Variants in KIF13A observed in about 807,000 individuals in gnomAD.
The protein encoded by KIF13A is kinesin family member 13A.
Under a neutral mutation model 212.2 loss-of-function variants are expected in KIF13A, and 79 were observed. The ratio of observed to expected loss-of-function variants is 0.37; its 90% confidence interval spans 0.31 to 0.45. The LOEUF (loss-of-function observed/expected upper bound fraction) is 0.45, where lower values mean the gene tolerates loss of function less well. KIF13A is among the 20% of genes least tolerant of loss of function. The pLI is 1.00. For missense variants in KIF13A, 1,901 were observed against 2,209.0 expected (o/e 0.86, Z 2.79); for synonymous variants, 789 against 808.6 (o/e 0.98, Z 0.41).
intron 2 of KIF13A, among the ~76,000 whole-genome samples, chr6:17,957,977 C>G (rs1199093513): frequency 6.6e-6 from 1 of 152,188 alleles, no homozygotes; most frequent in African/African-American, 2.4e-5. Flanking sequence ...TTTAGACCAG[C>G]CTTCCTCTAG....
At chr6:17,760,181 G>C (rs1393262288), downstream of KIF13A, 3 of 152,204 alleles carry the variant, frequency 2.0e-5, no homozygotes, top group Non-Finnish European at 4.4e-5. Flanking sequence ...ACACAAAAGA[G>C]TGGACAGCAA....
chr6:17,801,700 C>A (rs1358693217), intron 20 of KIF13A, among the ~76,000 whole-genome samples: 1 of 152,164 alleles, frequency 6.6e-6, no homozygotes, highest in East Asian at 1.9e-4. Context: ...GGTTCCCGGG[C>A]TCGCGCAGCT....
rs1350095952 is a variant in KIF13A at position 17,963,402 on chromosome 6, G to A, written c.146+23652C>T. Among the ~76,000 whole-genome samples the A allele has an allele frequency of 6.6e-6, 1 of 152,062 alleles. No individual in the cohort carries two copies. The highest frequency in any genetic ancestry group is 1.5e-5 in the Non-Finnish European group (1 of 68,032). On this transcript the variant is annotated intron_variant, in intron 2 of 38. Coordinates refer to ENST00000259711, the MANE Select transcript of KIF13A (RefSeq NM_022113.6). The surrounding 1 kb of genome is among the most constrained non-coding windows in gnomAD (Gnocchi z 4.1). ...CGTTGCACTCTAGCCTGGGCAACAA[G>A]AGCAAAACTCCAACTCAAAAAAAAT...
rs910360783 is a variant in KIF13A, at chr6:17,982,011, T to C, written c.146+5043A>G. On this transcript the variant is annotated intron_variant, in intron 2 of 38. Transcript: ENST00000259711. The surrounding 1 kb of genome is among the most constrained non-coding windows in gnomAD (Gnocchi z 5.1). ...ATATTTACAGACTGAATAGCCCTTA[T>C]CTAAAATGCTTGGGACCAGAAGTGT... Among the ~76,000 whole-genome samples the C allele has an allele frequency of 1.3e-5, 2 of 152,182 alleles. No homozygotes were observed. Among genetic ancestry groups the C allele is most frequent in the Non-Finnish European group, 2.9e-5 (2 of 68,034 alleles).
At chr6:17,858,758 G>A (rs1243278637) in intron 4 of KIF13A, among the ~76,000 whole-genome samples, 1 of 152,042 alleles carries the variant, frequency 6.6e-6, no homozygotes, top group African/African-American at 2.4e-5. Flanking sequence ...GCTGATTGGA[G>A]CAATCCTGTT....
rs2150380990 is a variant in KIF13A, at chr6:17,837,771, G to A, written c.831-188C>T. ...GTTTGAGACCACCCTGGCCAACATG[G>A]TGAAACTCTGTCTCTACTAAAAATA... On this transcript the variant is annotated intron_variant, in intron 9 of 38. Transcript: ENST00000259711. The surrounding 1 kb of genome is among the most constrained non-coding windows in gnomAD (Gnocchi z 5.4). 6.6e-6 allele frequency among the ~76,000 whole-genome samples: 1 copy of A among 152,064 alleles called. No homozygotes were observed. The highest frequency in any genetic ancestry group is 1.5e-5 in the Non-Finnish European group (1 of 67,964).
At position 17,781,147 on chromosome 6, in the gene KIF13A, C is replaced by A. The variant is rs773798120; in HGVS notation, c.3669+30G>T. The A allele has an allele frequency of 1.3e-5, 21 of 1,613,334 alleles. No individual in the cohort carries two copies. The South Asian group carries it at 2.2e-4, about 17-fold the overall frequency. On this transcript the variant is annotated intron_variant, in intron 30 of 38. Coordinates refer to ENST00000259711, the MANE Select transcript of KIF13A (RefSeq NM_022113.6). The stretch of plus-strand genomic sequence containing the variant: ...ACAAGCCTTGTGTGCTAATCTGAAG[C>A]CTTTTAAGAGAAACTTGGGGGTTAA...
intron 3 of KIF13A, among the ~76,000 whole-genome samples, chr6:17,884,053 G>C (rs1241839865): frequency 2.6e-5 from 4 of 152,098 alleles, no homozygotes; most frequent in African/African-American, 7.2e-5. Flanking sequence ...TCCTCACCTT[G>C]CCTCCCTGCC....
chr6:17,788,812 C>A (rs1280715450), intron 26 of KIF13A, among the ~76,000 whole-genome samples: 3 of 152,144 alleles, frequency 2.0e-5, no homozygotes, highest in African/African-American at 7.2e-5. Context: ...GCAACCTCTG[C>A]CTCCTAGGTT....
chr6:17,825,738 A>C lies in KIF13A; in HGVS notation c.1786+30T>G, dbSNP rs112782385. On this transcript the variant is annotated intron_variant, in intron 16 of 38. Transcript: ENST00000259711. This position sits in a 1 kb window ranked among gnomAD's most constrained non-coding sequence, Gnocchi z 4.5. ...ATGGTGTGAGGTGAGGAAATGCCCA[A>C]GGCGCTGGAACACAGAGTGAGGGTC... is the stretch of plus-strand genomic sequence containing the variant. 1.9e-6 allele frequency: 3 copies of C among 1,595,396 alleles called. No individual in the cohort carries two copies. Among genetic ancestry groups the C allele is most frequent in the Non-Finnish European group, 2.6e-6 (3 of 1,170,522 alleles).
intron 16 of KIF13A, among the ~76,000 whole-genome samples, chr6:17,817,687 T>C (rs962101324): frequency 3.9e-5 from 6 of 152,242 alleles, no homozygotes; most frequent in Admixed American, 3.3e-4. Context: ...CAAAGATTTA[T>C]GACTTTCACC....
intron 2 of KIF13A, among the ~76,000 whole-genome samples, chr6:17,945,484 A>G (rs1777309415): frequency 6.6e-6 from 1 of 152,204 alleles, no homozygotes; most frequent in African/African-American, 2.4e-5. Context: ...GCATCATATT[A>G]TACTTCAATT....
At chr6:17,973,046 A>T (rs528959631) in intron 2 of KIF13A, among the ~76,000 whole-genome samples, 1 of 152,334 alleles carries the variant, frequency 6.6e-6, no homozygotes, top group South Asian at 2.1e-4. Context: ...ACCTGAGTTC[A>T]TCCCACAGTG....
chr6:17,843,116 C>T lies in KIF13A; in HGVS notation c.831-5533G>A, dbSNP rs1766680028. On this transcript the variant is annotated intron_variant, in intron 9 of 38. Coordinates refer to ENST00000259711, the MANE Select transcript of KIF13A (RefSeq NM_022113.6). This position sits in a 1 kb window ranked among gnomAD's most constrained non-coding sequence, Gnocchi z 5.3. ...ATTTAGATTGTGATTACCTTGAAGG[C>T]AGACGGTGTAATTTGCCATACACAT... is the stretch of plus-strand genomic sequence containing the variant. Among the ~76,000 whole-genome samples, 1 of 152,160 alleles carries T rather than the reference C, an allele frequency of 6.6e-6. No homozygotes were observed. Among genetic ancestry groups the T allele is most frequent in the Non-Finnish European group, 1.5e-5 (1 of 68,042 alleles).
Position 17,771,381 on chromosome 6 carries a change from T to A in KIF13A, c.4477-163A>T. The A allele has an allele frequency of 5.2e-6, 3 of 579,306 alleles. No individual in the cohort carries two copies. In the South Asian group the frequency reaches 6.3e-5, roughly 12 times the overall value. 35.9% of individuals were successfully genotyped at this position (579,306 alleles called of 1,614,324 possible). ...CCAGAGTTAAACTACTGGAGAGATA[T>A]GACAGGAATAAACAGATTCTGTGGC... On this transcript the variant is annotated intron_variant, in intron 37 of 38. Transcript: ENST00000259711. The surrounding 1 kb of genome is among the most constrained non-coding windows in gnomAD (Gnocchi z 5.4).
Position 17,951,842 on chromosome 6 carries a change from T to C in KIF13A, c.146+35212A>G, listed in dbSNP as rs1339513508. On this transcript the variant is annotated intron_variant, in intron 2 of 38. Transcript: ENST00000259711. The surrounding 1 kb of genome is among the most constrained non-coding windows in gnomAD (Gnocchi z 4.9). Reference sequence around the variant, plus strand: ...TCCACTGTATGAATATATCACATATTCTTCATCAGTTGATGGACATTTGGT... The same window carrying C: ...TCCACTGTATGAATATATCACATATCCTTCATCAGTTGATGGACATTTGGT... Among the ~76,000 whole-genome samples the C allele has an allele frequency of 6.6e-6, 1 of 152,356 alleles. No individual in the cohort carries two copies. The highest frequency in any genetic ancestry group is 1.9e-4 in the East Asian group (1 of 5,192).
In KIF13A at chr6:17,838,112, A is replaced by G. The variant is rs1766148486; in HGVS notation, c.831-529T>C. Among the ~76,000 whole-genome samples the G allele has an allele frequency of 6.6e-6, 1 of 152,114 alleles. No homozygotes were observed. Among genetic ancestry groups the G allele is most frequent in the Non-Finnish European group, 1.5e-5 (1 of 68,008 alleles). ...CAGGTGGATCATGAGGTCAGGGGTC[A>G]GGAGATCAAGACCATCCTGGCCAAC... On this transcript the variant is annotated intron_variant, in intron 9 of 38. Coordinates refer to ENST00000259711, the MANE Select transcript of KIF13A (RefSeq NM_022113.6). The surrounding 1 kb of genome is among the most constrained non-coding windows in gnomAD (Gnocchi z 4.2).
intron 2 of KIF13A, among the ~76,000 whole-genome samples, chr6:17,981,277 T>TC (rs1781053714): frequency 6.6e-6 from 1 of 151,952 alleles, no homozygotes; most frequent in South Asian, 2.1e-4. Context: ...CAGTTAAGAG[T>TC]ATTTTTTCAT....
In KIF13A at chr6:17,783,693, G is replaced by C; in HGVS notation, c.3497C>G (p.Pro1166Arg). The C allele has an allele frequency of 1.3e-6, 2 of 1,571,428 alleles. No individual in the cohort carries two copies. Among genetic ancestry groups the C allele is most frequent in the Admixed American group, 1.8e-5 (1 of 55,352 alleles). ...TGGTATGTGGGTTTCCATTCCAGGA[G>C]GTGGGATCCTAAATTTAATAACAAC... is the stretch of plus-strand genomic sequence containing the variant. ...IPGAPADWIPPPGMETHIPVL... is the reference protein window; with the variant it reads ...IPGAPADWIPRPGMETHIPVL... Residue 1166 changes from proline (P) to arginine (R), a missense_variant, in exon 29 of 39, where the codon CCT becomes CGT. Around this residue, in one of 5 missense-constraint regions of KIF13A, gnomAD observed 168 missense variants for 250.9 expected, o/e 0.67. Coordinates refer to ENST00000259711, the MANE Select transcript of KIF13A (RefSeq NM_022113.6). This position sits in a 1 kb window ranked among gnomAD's most constrained non-coding sequence, Gnocchi z 4.3.
Sources: allele counts gnomAD v4.1 joint callset (sites outside exome capture counted in the v4.1 genomes callset), GRCh38; gene constraint gnomAD v4.1.1; regional missense constraint gnomAD v4.1.1; non-coding constraint Gnocchi (gnomAD v3.1); transcripts MANE v1.5; gene names NCBI Gene and HGNC (gene_info 2026-07-23, HGNC 2026-07-21).